Variants in ADAMTS2 observed in about 807,000 individuals in gnomAD.
ADAMTS2 encodes the protein ADAM metallopeptidase with thrombospondin type 1 motif 2.
In ADAMTS2, 50 loss-of-function variants were observed where a neutral mutation model predicts 123.0. That is an observed-to-expected ratio of 0.41 (90% confidence interval 0.32 to 0.51). The LOEUF (loss-of-function observed/expected upper bound fraction) is 0.51. Among genes scored for constraint, ADAMTS2 ranks in the 20% least tolerant of loss-of-function variants. The pLI is 0.35. For missense variants in ADAMTS2, 1,494 were observed against 1,705.2 expected (o/e 0.88, Z 2.18); for synonymous variants, 678 against 695.4 (o/e 0.98, Z 0.39).
intron 2 of ADAMTS2, among the ~76,000 whole-genome samples, chr5:179,311,345 C>T (rs1458562105): frequency 2.0e-5 from 3 of 152,178 alleles, no homozygotes; most frequent in Non-Finnish European, 4.4e-5. Context: ...CATGGGCAGG[C>T]GCCGCCTGGC....
chr5:179,158,323 C>A lies in ADAMTS2; in HGVS notation c.1132+400G>T, dbSNP rs572282530. The stretch of plus-strand genomic sequence containing the variant: ...CCAAGAACATGGAGCCATCCACCTA[C>A]GTTATCTTCTTTCATTATTTTGCGT... On this transcript the variant is annotated intron_variant, in intron 6 of 21. Coordinates refer to ENST00000251582, the MANE Select transcript of ADAMTS2 (RefSeq NM_014244.5). This position sits in a 1 kb window ranked among gnomAD's most constrained non-coding sequence, Gnocchi z 5.0. 1.3e-5 allele frequency among the ~76,000 whole-genome samples: 2 copies of A among 152,258 alleles called. No individual in the cohort carries two copies. Among genetic ancestry groups the A allele is most frequent in the African/African-American group, 4.8e-5 (2 of 41,556 alleles).
At chr5:179,226,191 CTTCT>C (rs1051057697) in intron 3 of ADAMTS2, among the ~76,000 whole-genome samples, 33 of 151,154 alleles carry the variant, frequency 2.2e-4, no homozygotes, top group Non-Finnish European at 7.4e-5. Context: ...CTTTTCTTTT[CTTCT>C]TTATCTCTTT....
At position 179,265,045 on chromosome 5, in the gene ADAMTS2, C is replaced by T. The variant is rs73333235; in HGVS notation, c.688+7866G>A. Among the ~76,000 whole-genome samples the T allele has an allele frequency of 8.9e-3, 1,341 of 151,168 alleles. 13 individuals carry two copies. The highest frequency in any genetic ancestry group is 0.031 in the African/African-American group (1,244 of 40,458). ...AGCATGCCGGGTGGGGCTGAGCACA[C>T]TGAACCCTGCACCAAACTGCCCGCT... is the stretch of plus-strand genomic sequence containing the variant. On this transcript the variant is annotated intron_variant, in intron 3 of 21. Coordinates refer to ENST00000251582, the MANE Select transcript of ADAMTS2 (RefSeq NM_014244.5).
intron 3 of ADAMTS2, among the ~76,000 whole-genome samples, chr5:179,269,455 C>T (rs967656653): frequency 6.6e-6 from 1 of 151,890 alleles, no homozygotes; most frequent in Non-Finnish European, 1.5e-5. Flanking sequence ...TGGCAGCAGC[C>T]GAGAGAGAGA....
At chr5:179,309,528 G>A (rs1051789590) in intron 2 of ADAMTS2, among the ~76,000 whole-genome samples, 1 of 152,126 alleles carries the variant, frequency 6.6e-6, no homozygotes, top group African/African-American at 2.4e-5. Context: ...AGGCCAAGGT[G>A]GGGCGGGTCA....
chr5:179,204,720 C>T (rs1461273042), intron 4 of ADAMTS2, among the ~76,000 whole-genome samples: 3 of 152,368 alleles, frequency 2.0e-5, no homozygotes, highest in Non-Finnish European at 4.4e-5. Flanking sequence ...GGCACGGCCG[C>T]GCCTTATCTC....
At chr5:179,166,292 C>T (rs1393499035) in intron 5 of ADAMTS2, among the ~76,000 whole-genome samples, 3 of 152,218 alleles carry the variant, frequency 2.0e-5, no homozygotes, top group African/African-American at 7.2e-5. Flanking sequence ...CGGGTTCAGC[C>T]TGTTTGGCTC....
intron 3 of ADAMTS2, among the ~76,000 whole-genome samples, chr5:179,257,442 G>A (rs568329404): frequency 2.0e-4 from 30 of 152,298 alleles, no homozygotes; most frequent in South Asian, 8.3e-4. Context: ...TGCACCAGCC[G>A]GGGGTCTGTC....
intron 3 of ADAMTS2, among the ~76,000 whole-genome samples, chr5:179,231,717 A>G (rs755291493): frequency 3.3e-5 from 5 of 152,168 alleles, no homozygotes; most frequent in African/African-American, 1.2e-4. Flanking sequence ...TTTTTATCCA[A>G]ATTGTTATAA....
In ADAMTS2 at chr5:179,132,157, C is replaced by G. The variant is rs1762975489; in HGVS notation, c.2290+73G>C. ...CAACCCGGGCCCCTGACCCCTGACC[C>G]CTGGCACTCTGCCCATTGATCCCAG... On this transcript the variant is annotated intron_variant, in intron 15 of 21. Coordinates refer to ENST00000251582, the MANE Select transcript of ADAMTS2 (RefSeq NM_014244.5). This position sits in a 1 kb window ranked among gnomAD's most constrained non-coding sequence, Gnocchi z 6.1. The G allele has an allele frequency of 1.3e-6, 2 of 1,489,868 alleles. No individual in the cohort carries two copies. The highest frequency in any genetic ancestry group is 1.9e-6 in the Non-Finnish European group (2 of 1,073,428). The allele number at this position is 1,489,868 out of a possible 1,614,324, so 92.3% of individuals were successfully genotyped here. A position where few individuals can be genotyped will look rare whatever the true frequency, so the allele number is the denominator to read the frequency against.
At chr5:179,122,579 C>T in intron 20 of ADAMTS2, 65 bp downstream of exon 20, 1 of 1,537,972 alleles carries the variant, frequency 6.5e-7, no homozygotes, top group Non-Finnish European at 8.8e-7. Flanking sequence ...TGAACCAAGC[C>T]TCTGACACCC....
intron 2 of ADAMTS2, among the ~76,000 whole-genome samples, chr5:179,301,252 C>T (rs1036496351): frequency 9.2e-5 from 14 of 152,210 alleles, no homozygotes; most frequent in African/African-American, 3.4e-4. Context: ...TTGAGCCCAG[C>T]CGAAACTTGA....
chr5:179,193,537 T>G (rs1355926339), intron 4 of ADAMTS2, among the ~76,000 whole-genome samples: 3 of 152,172 alleles, frequency 2.0e-5, no homozygotes, highest in Non-Finnish European at 2.9e-5. Flanking sequence ...GCATGGACGA[T>G]GGAGACACAG....
chr5:179,293,951 T>C (rs1175524869), intron 2 of ADAMTS2, among the ~76,000 whole-genome samples: 2 of 152,056 alleles, frequency 1.3e-5, no homozygotes, highest in Non-Finnish European at 2.9e-5. Context: ...GTTTTTTTGT[T>C]TTAAGGTATT....
At chr5:179,330,594 C>T (rs1344261551) in intron 2 of ADAMTS2, among the ~76,000 whole-genome samples, 1 of 152,222 alleles carries the variant, frequency 6.6e-6, no homozygotes, top group Non-Finnish European at 1.5e-5. Context: ...ATTTCCCCTC[C>T]CCCAGTGCCC....
chr5:179,309,480 C>A (rs867058747), intron 2 of ADAMTS2, among the ~76,000 whole-genome samples: 2 of 152,190 alleles, frequency 1.3e-5, no homozygotes, highest in Non-Finnish European at 2.9e-5. Flanking sequence ...CCAGACACTG[C>A]AGAAAGCTGG....
chr5:179,179,670 C>A lies in ADAMTS2; in HGVS notation c.975+1402G>T, dbSNP rs116455139. 6.4e-3 allele frequency among the ~76,000 whole-genome samples: 974 copies of A among 152,222 alleles called. 12 individuals carry two copies. Among genetic ancestry groups the A allele is most frequent in the African/African-American group, 0.022 (898 of 41,536 alleles). ...GGATGTTTTGTGTTCTCTTGGGGTA[C>A]ACGAAGGCCTGCAACTGGCATCCGC... On this transcript the variant is annotated intron_variant, in intron 5 of 21. Coordinates refer to ENST00000251582, the MANE Select transcript of ADAMTS2 (RefSeq NM_014244.5).
rs1038253914 is a variant in ADAMTS2, at chr5:179,208,242, G to A, written c.689-527C>T. ...AAGGACTGGTGTCCCAGGTGTCATC[G>A]CCAGCTGTTATGACTGGGGAAACCG... On this transcript the variant is annotated intron_variant, in intron 3 of 21. Transcript: ENST00000251582. Among the ~76,000 whole-genome samples, 50 of 147,346 alleles carry A rather than the reference G, an allele frequency of 3.4e-4. 1 individual carries two copies. The highest frequency in any genetic ancestry group is 2.3e-4 in the Non-Finnish European group (15 of 66,232).
chr5:179,171,678 C>T (rs1763816508), intron 5 of ADAMTS2, among the ~76,000 whole-genome samples: 1 of 152,090 alleles, frequency 6.6e-6, no homozygotes, highest in Non-Finnish European at 1.5e-5. Context: ...TGGGAGGCTT[C>T]TAGGAGGAAG....
Sources: gnomAD v4.1 joint callset for allele counts (sites outside exome capture counted in the v4.1 genomes callset) on GRCh38, gnomAD v4.1.1 for gene constraint, Gnocchi (gnomAD v3.1) non-coding constraint, MANE v1.5 for transcripts, NCBI Gene and HGNC (gene_info 2026-07-23, HGNC 2026-07-21) for gene names.